OPCML: variants seen among roughly 807,000 people sequenced by gnomAD.
The protein encoded by OPCML is opioid binding protein/cell adhesion molecule like.
Under a neutral mutation model 37.8 loss-of-function variants are expected in OPCML, and 13 were observed. The ratio of observed to expected loss-of-function variants is 0.34; its 90% confidence interval spans 0.22 to 0.55. The LOEUF (loss-of-function observed/expected upper bound fraction) is 0.55. Ranked by LOEUF, OPCML falls within the 20% of genes least tolerant of loss-of-function variation. The pLI is 0.91. For synonymous variants in OPCML, 176 were observed against 168.8 expected, an observed-to-expected ratio of 1.04 and a Z score of -0.33; for missense variants, 341 against 435.6, an observed-to-expected ratio of 0.78 and a Z score of 1.93.
intron 1 of OPCML, among the ~76,000 whole-genome samples, chr11:133,366,250 GT>G (rs1241941978): frequency 1.3e-5 from 2 of 152,208 alleles, no homozygotes; most frequent in African/African-American, 4.8e-5. Flanking sequence ...TGCTGTGAGA[GT>G]CTGATGATCC....
intron 4 of OPCML, among the ~76,000 whole-genome samples, chr11:132,441,010 G>A (rs1592177975): frequency 6.6e-6 from 1 of 152,012 alleles, no homozygotes; most frequent in East Asian, 1.9e-4. Context: ...TGAGTTAAAG[G>A]AAGGAAAACG....
Position 132,428,883 on chromosome 11 carries a change from C to A in OPCML, c.916+7203G>T, listed in dbSNP as rs192653341. On this transcript the variant is annotated intron_variant, in intron 7 of 7. Transcript: ENST00000524381. ...GCTGGCAGCTTCTTCATTCCTCAAG[C>A]ATGGCACTTCCTATATTTTATTGTA... Among the ~76,000 whole-genome samples, 269 of 152,344 alleles carry A rather than the reference C, an allele frequency of 1.8e-3. 1 individual carries two copies. Among genetic ancestry groups the A allele is most frequent in the Non-Finnish European group, 3.0e-3 (203 of 68,044 alleles).
chr11:132,762,858 G>A (rs1393329180), intron 2 of OPCML, among the ~76,000 whole-genome samples: 30 of 152,068 alleles, frequency 2.0e-4, no homozygotes, highest in Admixed American at 2.0e-3. Context: ...TGCCACTGAG[G>A]TACAAAAAAA....
intron 2 of OPCML, among the ~76,000 whole-genome samples, chr11:132,876,583 T>A (rs1943024741): frequency 6.6e-6 from 1 of 152,186 alleles, no homozygotes; most frequent in East Asian, 1.9e-4. Context: ...TTATGGTTTA[T>A]CCTTTGAACG....
chr11:132,653,906 C>T (rs1210510959), intron 3 of OPCML, among the ~76,000 whole-genome samples: 1 of 152,142 alleles, frequency 6.6e-6, no homozygotes, highest in Non-Finnish European at 1.5e-5. Flanking sequence ...TCTGTTTTCT[C>T]TCATTGCAAA....
chr11:132,432,700 T>C (rs571090094), intron 7 of OPCML, among the ~76,000 whole-genome samples: 71 of 152,210 alleles, frequency 4.7e-4, no homozygotes, highest in Non-Finnish European at 6.8e-4. Flanking sequence ...AACCTTGTAT[T>C]AGGTCCTAGG....
At chr11:132,981,476 C>T (rs759025128) in intron 1 of OPCML, among the ~76,000 whole-genome samples, 4 of 152,052 alleles carry the variant, frequency 2.6e-5, no homozygotes, top group Non-Finnish European at 5.9e-5. Context: ...TGAGGGATAA[C>T]GGGCACTGGC....
rs67176157 is a variant in OPCML at position 132,632,241 on chromosome 11, A to ATTT, written c.379+24843_379+24845dup. ...GCCTCAGGCATCTTTATTCAAACAC[A>ATTT]TTTTTTTTTTTTTTTTTTTTTTTTG... On this transcript the variant is annotated intron_variant, in intron 3 of 7. Transcript: ENST00000524381. 3.3e-3 allele frequency among the ~76,000 whole-genome samples: 365 copies of ATTT among 111,556 alleles called. 2 individuals are homozygous for ATTT. The highest frequency in any genetic ancestry group is 0.011 in the African/African-American group (308 of 27,372). The allele number at this position is 111,556 out of a possible 152,430, so 73.2% of individuals were successfully genotyped here. A position where few individuals can be genotyped will look rare whatever the true frequency, so the allele number is the denominator to read the frequency against.
chr11:132,597,841 T>C (rs1386528548), intron 3 of OPCML, among the ~76,000 whole-genome samples: 2 of 152,218 alleles, frequency 1.3e-5, no homozygotes, highest in Non-Finnish European at 1.5e-5. Context: ...TCTGTGTATG[T>C]ATGCGTGTTG....
chr11:132,618,955 ACACACACACAC>A (rs1939215494), intron 3 of OPCML, among the ~76,000 whole-genome samples: 1 of 4,428 alleles, frequency 2.3e-4, no homozygotes. Context: ...GCACACGCAT[ACACACACACAC>A]ACACACACAC....
At position 132,849,316 on chromosome 11, in the gene OPCML, C is replaced by T. The variant is rs1191149141; in HGVS notation, c.146+93610G>A. Among the ~76,000 whole-genome samples, 3 of 152,188 alleles carry T rather than the reference C, an allele frequency of 2.0e-5. No homozygotes were observed. The East Asian group carries it at 5.8e-4, about 29-fold the overall frequency. ...GCGATCTAGCGCTATCATATAAAGA[C>T]ACCAATTGCCTATGCGGTTTCCTCA... On this transcript the variant is annotated intron_variant, in intron 2 of 7. Transcript: ENST00000524381.
chr11:133,141,000 C>CGAA (rs1218067845), intron 1 of OPCML, among the ~76,000 whole-genome samples: 216 of 4,408 alleles, frequency 0.049, 91 homozygotes, highest in Admixed American at 0.1. Flanking sequence ...AAGAAGAAGA[C>CGAA]GACGACGACG....
In OPCML at chr11:132,976,866, C is replaced by T. The variant is rs74748568; in HGVS notation, c.62-33856G>A. ...ATGTGAATGAGTGATAGTGTCTCCA[C>T]GGAATTCCTTATTTCAAAAGAGATT... On this transcript the variant is annotated intron_variant, in intron 1 of 7. Coordinates refer to ENST00000524381, the MANE Select transcript of OPCML (RefSeq NM_001012393.5). 4.5e-4 allele frequency among the ~76,000 whole-genome samples: 69 copies of T among 152,248 alleles called. No individual in the cohort carries two copies. The East Asian group carries it at 0.011, about 25-fold the overall frequency.
At chr11:132,794,354 G>A (rs1290879886) in intron 2 of OPCML, among the ~76,000 whole-genome samples, 1 of 152,130 alleles carries the variant, frequency 6.6e-6, no homozygotes, top group Non-Finnish European at 1.5e-5. Flanking sequence ...AAGTTCAAAG[G>A]GAGTTCCAGC....
chr11:133,263,493 G>T (rs1158344779), intron 1 of OPCML, among the ~76,000 whole-genome samples: 1 of 152,140 alleles, frequency 6.6e-6, no homozygotes, highest in Non-Finnish European at 1.5e-5. Flanking sequence ...CTACAGCCTA[G>T]GTGTGTAGTA....
intron 4 of OPCML, among the ~76,000 whole-genome samples, chr11:132,482,582 C>A (rs1236488794): frequency 6.6e-6 from 1 of 152,202 alleles, no homozygotes; most frequent in Non-Finnish European, 1.5e-5. Flanking sequence ...AGTCCAGCAT[C>A]ATTCTGATAC....
chr11:132,954,317 T>C (rs1049478571), intron 1 of OPCML, among the ~76,000 whole-genome samples: 7 of 152,116 alleles, frequency 4.6e-5, no homozygotes, highest in African/African-American at 1.7e-4. Flanking sequence ...AGATTAAAAA[T>C]ATGTACAGCA....
Position 132,444,258 on chromosome 11 carries a change from A to G in OPCML, c.506-6899T>C, listed in dbSNP as rs114066189. ...GTCACCCGCCTCCCATGGGGGAGGCAAAGAGTGGACAGGGTGGAGGAAAGC... is the reference window on the plus strand; with the variant it reads ...GTCACCCGCCTCCCATGGGGGAGGCGAAGAGTGGACAGGGTGGAGGAAAGC... On this transcript the variant is annotated intron_variant, in intron 4 of 7. Transcript: ENST00000524381. Among the ~76,000 whole-genome samples the G allele has an allele frequency of 7.8e-3, 1,186 of 152,328 alleles. 14 individuals carry two copies. The highest frequency in any genetic ancestry group is 0.027 in the African/African-American group (1,114 of 41,570).
intron 2 of OPCML, among the ~76,000 whole-genome samples, chr11:132,846,116 T>G (rs1434653847): frequency 6.6e-6 from 1 of 152,202 alleles, no homozygotes. Context: ...GGGGGGAAAT[T>G]CATTTACAGT....
Sources: allele counts gnomAD v4.1 joint callset (sites outside exome capture counted in the v4.1 genomes callset), GRCh38; gene constraint gnomAD v4.1.1; transcripts MANE v1.5; gene names NCBI Gene and HGNC (gene_info 2026-07-23, HGNC 2026-07-21).